Variants in LRBA observed in about 807,000 individuals in gnomAD.
The protein encoded by LRBA is LPS responsive beige-like anchor protein, also known as lipopolysaccharide-responsive and beige-like anchor protein.
In LRBA, 176 loss-of-function variants were observed where a neutral mutation model predicts 330.0. That is an observed-to-expected ratio of 0.53 (90% CI 0.47 to 0.60). The LOEUF (loss-of-function observed/expected upper bound fraction) is 0.60. LRBA is among the 20% of genes least tolerant of loss of function. LRBA has a pLI of 0.00. For synonymous variants in LRBA, 1,230 were observed against 1,193.0 expected, an observed-to-expected ratio of 1.03 and a Z score of -0.64; for missense variants, 3,259 against 3,444.8, an observed-to-expected ratio of 0.95 and a Z score of 1.35.
At chr4:150,279,251 A>C (rs1255499441) in intron 55 of LRBA, among the ~76,000 whole-genome samples, 1 of 152,230 alleles carries the variant, frequency 6.6e-6, no homozygotes, top group Non-Finnish European at 1.5e-5. Context: ...GTCCATTTAT[A>C]GAAAAAGTGT....
chr4:150,806,356 A>C lies in LRBA; in HGVS notation c.5433T>G (p.Leu1811=). ...EHALEKAAPL[L]REIFVDFAPF... ...GTGCAAAATCCACAAAAATCTCACG[A>C]AGGAGAGGAGCTGCCTTTTCCAAAG... is the stretch of plus-strand genomic sequence containing the variant. Residue 1811 remains leucine, a synonymous_variant, in exon 33 of 57, where the codon CTT becomes CTG. Transcript: ENST00000651943. 6.2e-7 allele frequency: 1 copy of C among 1,611,182 alleles called. No individual in the cohort carries two copies. Among genetic ancestry groups the C allele is most frequent in the Non-Finnish European group, 8.5e-7 (1 of 1,178,688 alleles).
chr4:150,564,116 T>C (rs977174872), intron 40 of LRBA, among the ~76,000 whole-genome samples: 12 of 152,050 alleles, frequency 7.9e-5, no homozygotes, highest in Admixed American at 3.9e-4. Context: ...GGAGGCATCA[T>C]GCTACCTGAC....
chr4:150,267,559 AG>A (rs1273211045), intron 56 of LRBA, among the ~76,000 whole-genome samples: 1 of 152,230 alleles, frequency 6.6e-6, no homozygotes, highest in Non-Finnish European at 1.5e-5. Context: ...GTAAACACAT[AG>A]ATTTAAAAAT....
intron 47 of LRBA, among the ~76,000 whole-genome samples, chr4:150,366,489 C>G (rs534032280): frequency 1.3e-5 from 2 of 152,142 alleles, no homozygotes; most frequent in African/African-American, 4.8e-5. Context: ...AAAAGACAAA[C>G]AGCATGGCAA....
intron 28 of LRBA, among the ~76,000 whole-genome samples, chr4:150,842,684 T>C (rs1297054192): frequency 2.0e-5 from 3 of 152,216 alleles, no homozygotes; most frequent in East Asian, 3.8e-4. Flanking sequence ...TATAGCCTTT[T>C]AGTTAAGATC....
chr4:150,941,951 A>G (rs1233718797), intron 2 of LRBA, among the ~76,000 whole-genome samples: 2 of 152,188 alleles, frequency 1.3e-5, no homozygotes, highest in Non-Finnish European at 2.9e-5. Flanking sequence ...AAAGACAGTA[A>G]AGTGTTTTTC....
intron 36 of LRBA, among the ~76,000 whole-genome samples, chr4:150,732,156 A>AT (rs1215058003): frequency 6.6e-6 from 1 of 152,034 alleles, no homozygotes; most frequent in Non-Finnish European, 1.5e-5. Context: ...TCAGAAAATA[A>AT]TTTTCCTTTA....
chr4:150,647,572 T>C (rs1438549823), intron 37 of LRBA, among the ~76,000 whole-genome samples: 1 of 151,736 alleles, frequency 6.6e-6, no homozygotes, highest in Non-Finnish European at 1.5e-5. Flanking sequence ...TTTTTTAAAT[T>C]ATGTGTTGTA....
chr4:150,365,751 A>G (rs1251142437), intron 47 of LRBA, among the ~76,000 whole-genome samples: 2 of 147,710 alleles, frequency 1.4e-5, no homozygotes, highest in Non-Finnish European at 3.0e-5. Context: ...AGATCCCACC[A>G]TTGCACTCCA....
At chr4:150,746,533 CAG>C (rs1196805294) in intron 35 of LRBA, among the ~76,000 whole-genome samples, 1 of 134,368 alleles carries the variant, frequency 7.4e-6, no homozygotes, top group Non-Finnish European at 1.5e-5. Context: ...TTTTGTGAGA[CAG>C]AGTCTCGCTC....
chr4:150,897,563 T>C (rs959532156), intron 15 of LRBA, among the ~76,000 whole-genome samples, 176 bp downstream of exon 15: 5 of 152,018 alleles, frequency 3.3e-5, no homozygotes, highest in African/African-American at 7.2e-5. Flanking sequence ...TGCAATAATT[T>C]ACATCCATAT....
At chr4:150,514,907 T>C (rs1228498179) in intron 40 of LRBA, among the ~76,000 whole-genome samples, 1 of 152,148 alleles carries the variant, frequency 6.6e-6, no homozygotes, top group Non-Finnish European at 1.5e-5. Flanking sequence ...TGCCTGGTAG[T>C]GTACTAGGAG....
intron 53 of LRBA, among the ~76,000 whole-genome samples, chr4:150,290,329 C>T (rs1446627172): frequency 1.3e-5 from 2 of 152,144 alleles, no homozygotes; most frequent in African/African-American, 2.4e-5. Context: ...AAAAAATCTT[C>T]TGAAAAATAT....
At chr4:150,613,309 G>A (rs992835794) in intron 37 of LRBA, among the ~76,000 whole-genome samples, 3 of 152,160 alleles carry the variant, frequency 2.0e-5, no homozygotes, top group Non-Finnish European at 4.4e-5. Flanking sequence ...AGGTACCTTA[G>A]GGACACAGTT....
intron 47 of LRBA, among the ~76,000 whole-genome samples, chr4:150,350,774 G>A (rs1347360675): frequency 6.6e-6 from 1 of 152,064 alleles, no homozygotes; most frequent in Non-Finnish European, 1.5e-5. Flanking sequence ...GGCCTGACAG[G>A]TACTCGATTT....
At chr4:150,860,544 T>C (rs185022630) in intron 22 of LRBA, among the ~76,000 whole-genome samples, 1 of 152,104 alleles carries the variant, frequency 6.6e-6, no homozygotes, top group Non-Finnish European at 1.5e-5. Flanking sequence ...AAGAAACATA[T>C]AGGCCGGGCG....
chr4:150,358,866 T>C (rs1258160438), intron 47 of LRBA, among the ~76,000 whole-genome samples: 1 of 152,226 alleles, frequency 6.6e-6, no homozygotes, highest in African/African-American at 2.4e-5. Flanking sequence ...CCTTTGAAGA[T>C]GGCCAGACCA....
intron 47 of LRBA, among the ~76,000 whole-genome samples, chr4:150,362,450 C>A (rs1179759575): frequency 6.6e-6 from 1 of 152,248 alleles, no homozygotes; most frequent in East Asian, 1.9e-4. Flanking sequence ...TATCTAAAAC[C>A]TAGCCAAGTC....
chr4:150,987,451 C>T (rs1408690791), intron 2 of LRBA, among the ~76,000 whole-genome samples: 1 of 152,140 alleles, frequency 6.6e-6, no homozygotes, highest in African/African-American at 2.4e-5. Context: ...ACCTGTAATC[C>T]CAGCACTTTG....
Sources: allele counts gnomAD v4.1 joint callset (sites outside exome capture counted in the v4.1 genomes callset), GRCh38; gene constraint gnomAD v4.1.1; transcripts MANE v1.5; gene names NCBI Gene and HGNC (gene_info 2026-07-23, HGNC 2026-07-21).